Variants in PDE4DIP observed in about 807,000 individuals in gnomAD.
PDE4DIP encodes myomegalin.
PDE4DIP carries 59 observed loss-of-function variants against 221.4 expected under a neutral mutation model. The observed-to-expected ratio is 0.27, with a 90% CI of 0.22 to 0.33. The LOEUF is 0.33. Ranked by LOEUF, PDE4DIP falls within the 10% of genes least tolerant of loss-of-function variation. The pLI is 1.00. For synonymous variants in PDE4DIP, 404 were observed against 815.9 expected, an observed-to-expected ratio of 0.50 and a Z score of 8.60; for missense variants, 1,036 against 2,154.2, an observed-to-expected ratio of 0.48 and a Z score of 10.28.
At chr1:148,815,191 G>T (rs374334591) in intron 1 of PDE4DIP, among the ~76,000 whole-genome samples, 996 of 110,702 alleles carry the variant, frequency 9.0e-3, no homozygotes, top group Middle Eastern at 0.042. Context: ...AATGAAAAAT[G>T]AATTTTAAAT....
At chr1:148,962,894 C>T (rs1338678142) in intron 9 of PDE4DIP, among the ~76,000 whole-genome samples, 6 of 151,766 alleles carry the variant, frequency 4.0e-5, no homozygotes, top group East Asian at 1.9e-4. Flanking sequence ...ACCACATTCA[C>T]GTAACTTTTC....
Position 148,967,716 on chromosome 1 carries a change from A to G in PDE4DIP, c.1606-10A>G, listed in dbSNP as rs587603999. 2.6e-6 allele frequency: 4 copies of G among 1,530,976 alleles called. No homozygotes were observed. The African/African-American group carries it at 5.5e-5, about 21-fold the overall frequency. The allele number at this position is 1,530,976 out of a possible 1,614,324, so 94.8% of individuals were successfully genotyped here. On this transcript the variant is annotated splice_polypyrimidine_tract_variant and intron_variant, in intron 12 of 43. Coordinates refer to ENST00000369354, the Ensembl canonical transcript of PDE4DIP. ...ATTTTGACTGATTATTGCTCTCTTT[A>G]TGGCTGTAGAGTATGGAGAGTCTCC...
rs782674429 is a variant in PDE4DIP at position 148,962,324 on chromosome 1, G to C, written c.981+36G>C. ...GTCACGTAGGACAGGAGAGACTTCA[G>C]TTGGGGATGTGCCATTTTGGTTGCA... On this transcript the variant is annotated intron_variant, in intron 8 of 43. Coordinates refer to ENST00000369354, the Ensembl canonical transcript of PDE4DIP. 5 of 1,521,364 alleles carry C rather than the reference G, an allele frequency of 3.3e-6. No homozygotes were observed. In the Admixed American group the frequency reaches 8.5e-5, roughly 26 times the overall value. The allele number at this position is 1,521,364 out of a possible 1,614,324, so 94.2% of individuals were successfully genotyped here.
rs587600913 is a variant in PDE4DIP, at chr1:149,029,697, A to G, written c.6814-90A>G. On this transcript the variant is annotated intron_variant, in intron 41 of 43. Coordinates refer to ENST00000369354, the Ensembl canonical transcript of PDE4DIP. Reference sequence around the variant, plus strand: ...AGTTCAAGAGAGTTGAGAAGACTGTAGAATCCTTCTTTGAATTGGAAAGAG... The same window carrying G: ...AGTTCAAGAGAGTTGAGAAGACTGTGGAATCCTTCTTTGAATTGGAAAGAG... The G allele has an allele frequency of 3.9e-6, 3 of 771,338 alleles. No individual in the cohort carries two copies. The African/African-American group carries it at 5.2e-5, about 13-fold the overall frequency. 47.8% of individuals were successfully genotyped at this position (771,338 alleles called of 1,614,324 possible). A position where few individuals can be genotyped will look rare whatever the true frequency, so the allele number is the denominator to read the frequency against.
intron 41 of PDE4DIP, among the ~76,000 whole-genome samples, chr1:149,029,026 TTGAC>T (rs1171257218): frequency 2.6e-5 from 4 of 152,328 alleles, no homozygotes; most frequent in East Asian, 1.9e-4. Flanking sequence ...TCTCTGAAGT[TTGAC>T]TGAGCTGAAA....
At chr1:148,821,522 C>T (rs1482204483) in intron 1 of PDE4DIP, among the ~76,000 whole-genome samples, 1 of 150,236 alleles carries the variant, frequency 6.7e-6, no homozygotes, top group Non-Finnish European at 1.5e-5. Flanking sequence ...AAAAAAATTT[C>T]GTTAGAGAGG....
chr1:148,985,525 C>T (rs1553548647), intron 21 of PDE4DIP: 1 of 152,092 alleles, frequency 6.6e-6, no homozygotes, highest in Non-Finnish European at 1.5e-5. Context: ...TTCAACTTCT[C>T]CCTGTTCTCA....
intron 5 of PDE4DIP, among the ~76,000 whole-genome samples, chr1:148,947,572 C>T (rs2052103493): frequency 6.6e-6 from 1 of 151,776 alleles, no homozygotes; most frequent in Non-Finnish European, 1.5e-5. Flanking sequence ...TCCACCTCTC[C>T]AATTCTTTTG....
intron 4 of PDE4DIP, chr1:148,932,661 GA>G (rs2048325166): frequency 2.6e-6 from 1 of 379,066 alleles, no homozygotes; most frequent in African/African-American, 2.1e-5. Flanking sequence ...CCTGATAGAA[GA>G]GCATGGGGTG....
chr1:148,929,170 A>G (rs782414428), intron 1 of PDE4DIP, 27 bp from the exon 5 acceptor site: 1 of 1,612,496 alleles, frequency 6.2e-7, no homozygotes, highest in Non-Finnish European at 8.5e-7. Context: ...GGCAGTTAAT[A>G]ACGATTAATG....
At position 149,013,062 on chromosome 1, in the gene PDE4DIP, C is replaced by G. The variant is rs587594088; in HGVS notation, c.5266+286C>G. On this transcript the variant is annotated intron_variant, in intron 32 of 43. Transcript: ENST00000369354. ...ACCACCAAGTATGCTGAATCCCTGA[C>G]AGACTGGTGGACTGCTCATTGGTTG... Among the ~76,000 whole-genome samples the G allele has an allele frequency of 6.6e-5, 10 of 152,298 alleles. No individual in the cohort carries two copies. In the East Asian group the frequency reaches 1.9e-3, roughly 29 times the overall value.
chr1:148,927,120 T>G (rs1553466299), intron 1 of PDE4DIP, among the ~76,000 whole-genome samples: 1 of 151,246 alleles, frequency 6.6e-6, no homozygotes, highest in African/African-American at 2.4e-5. Context: ...TTATCTGAAA[T>G]TTAAATTGAA....
At chr1:148,966,965 G>A (rs1553519450) in exon 12 of PDE4DIP, 2 of 1,609,258 alleles carry the variant, frequency 1.2e-6, no homozygotes, top group African/African-American at 2.7e-5. Flanking sequence ...CTCCAATGAA[G>A]CTACTATGCA....
chr1:148,995,941 T>C (rs1237267558), intron 22 of PDE4DIP, among the ~76,000 whole-genome samples: 1 of 151,312 alleles, frequency 6.6e-6, no homozygotes, highest in Admixed American at 6.6e-5. Flanking sequence ...AAAAAAACCT[T>C]AAAGTTAGCC....
chr1:149,026,268 G>T (rs2075134067), intron 38 of PDE4DIP: 1 of 150,296 alleles, frequency 6.7e-6, no homozygotes, highest in Non-Finnish European at 1.5e-5. Context: ...ATTTTTTTCA[G>T]TATTACCTCA....
At position 148,967,922 on chromosome 1, in the gene PDE4DIP, C is replaced by T. The variant is rs782182318; in HGVS notation, c.1785+17C>T. 2 of 786,792 alleles carry T rather than the reference C, an allele frequency of 2.5e-6. No individual in the cohort carries two copies. The highest frequency in any genetic ancestry group is 2.1e-5 in the Admixed American group (1 of 47,896). The allele number at this position is 786,792 out of a possible 1,614,324, so 48.7% of individuals were successfully genotyped here. ...GAAGTGGAGGCAAGACTTCAGTTAA[C>T]TTTAAGGCAGTTGGTTCAGTGATTA... On this transcript the variant is annotated intron_variant, in intron 13 of 43. Transcript: ENST00000369354.
At chr1:149,032,579 A>C in exon 44 of PDE4DIP, 1 of 246,146 alleles carries the variant, frequency 4.1e-6, no homozygotes. Context: ...TTGAGTTCAC[A>C]TCATGAATGT....
chr1:148,917,236 G>C (rs1553459078), intron 1 of PDE4DIP, among the ~76,000 whole-genome samples: 2 of 151,872 alleles, frequency 1.3e-5, no homozygotes, highest in African/African-American at 4.8e-5. Context: ...GTGACTATAG[G>C]GAATGAATAG....
chr1:149,028,543 G>T lies in PDE4DIP; in HGVS notation c.6670-17G>T. 1 of 1,608,828 alleles carries T rather than the reference G, an allele frequency of 6.2e-7. No homozygotes were observed. Among genetic ancestry groups the T allele is most frequent in the Non-Finnish European group, 8.5e-7 (1 of 1,178,476 alleles). On this transcript the variant is annotated splice_polypyrimidine_tract_variant and intron_variant, in intron 40 of 43. Coordinates refer to ENST00000369354, the Ensembl canonical transcript of PDE4DIP. ...AGAAAGTAATCTCTCCGCTCCTGTG[G>T]TGTTACCTTTCCCCAGGTGCTAGGC...
Sources: gnomAD v4.1 joint callset for allele counts (sites outside exome capture counted in the v4.1 genomes callset) on GRCh38, gnomAD v4.1.1 for gene constraint, MANE v1.5 for transcripts, NCBI Gene and HGNC (gene_info 2026-07-23, HGNC 2026-07-21) for gene names.